PRMT3: variants seen among roughly 807,000 people sequenced by gnomAD.
PRMT3 encodes the protein protein arginine N-methyltransferase 3.
PRMT3 carries 62 observed loss-of-function variants against 71.9 expected under a neutral mutation model. That is an observed-to-expected ratio of 0.86 (90% CI 0.70 to 1.07). The LOEUF (loss-of-function observed/expected upper bound fraction) is 1.07, where lower values mean the gene tolerates loss of function less well. Among genes scored for constraint, PRMT3 ranks in the 50% least tolerant of loss-of-function variants. The probability of loss-of-function intolerance (pLI) is 0.00; values close to 1 mark genes in which losing one functional copy is unlikely to be tolerated. For synonymous variants in PRMT3, 213 were observed against 220.4 expected (o/e 0.97, Z 0.30); for missense variants, 663 against 643.0 (o/e 1.03, Z -0.34).
At chr11:20,490,275 C>T (rs1436219215) in intron 13 of PRMT3, among the ~76,000 whole-genome samples, 1 of 152,084 alleles carries the variant, frequency 6.6e-6, no homozygotes, top group East Asian at 1.9e-4. Context: ...CTCAAAGATA[C>T]TGTGAGGCAT....
intron 7 of PRMT3, among the ~76,000 whole-genome samples, chr11:20,399,662 G>C (rs1848906498): frequency 6.6e-6 from 1 of 152,144 alleles, no homozygotes; most frequent in East Asian, 1.9e-4. Flanking sequence ...TTTTCAGACA[G>C]ATTAAAGGTC....
At chr11:20,448,648 C>G (rs1038755556) in intron 10 of PRMT3, among the ~76,000 whole-genome samples, 11 of 151,894 alleles carry the variant, frequency 7.2e-5, no homozygotes, top group African/African-American at 2.7e-4. Context: ...TAGAAAGGCA[C>G]CTTATACTGA....
At chr11:20,493,131 C>A (rs1353858087) in intron 13 of PRMT3, among the ~76,000 whole-genome samples, 22 of 146,344 alleles carry the variant, frequency 1.5e-4, no homozygotes, top group South Asian at 4.3e-4. Context: ...GACTCCATGT[C>A]AAAAAAAAAA....
At position 20,387,730 on chromosome 11, in the gene PRMT3, C is replaced by G; in HGVS notation, c.-17C>G. The G allele has an allele frequency of 2.0e-6, 3 of 1,530,932 alleles. No homozygotes were observed. Among genetic ancestry groups the G allele is most frequent in the Non-Finnish European group, 2.6e-6 (3 of 1,141,960 alleles). 94.8% of individuals were successfully genotyped at this position (1,530,932 alleles called of 1,614,324 possible). A position where few individuals can be genotyped will look rare whatever the true frequency, so the allele number is the denominator to read the frequency against. On this transcript the variant is annotated 5_prime_UTR_variant, in exon 1 of 16. Transcript: ENST00000331079. The surrounding 1 kb of genome is among the most constrained non-coding windows in gnomAD (Gnocchi z 4.3). ...TCCCCGCCCCCAGACACGCCGGGCTCTCGGGGCACCACAGCCATGTGCTCG... is the reference window on the plus strand; with the variant it reads ...TCCCCGCCCCCAGACACGCCGGGCTGTCGGGGCACCACAGCCATGTGCTCG...
At chr11:20,471,456 CA>C (rs1162347006) in intron 13 of PRMT3, among the ~76,000 whole-genome samples, 2 of 152,082 alleles carry the variant, frequency 1.3e-5, no homozygotes, top group African/African-American at 4.8e-5. Context: ...CTCCCAACAC[CA>C]TTTATTAGAG....
chr11:20,433,360 C>A (rs1849694806), intron 10 of PRMT3, among the ~76,000 whole-genome samples: 1 of 152,140 alleles, frequency 6.6e-6, no homozygotes, highest in South Asian at 2.1e-4. Flanking sequence ...CCAGCTCCAT[C>A]CATGTTCCCA....
chr11:20,402,779 A>AG, intron 7 of PRMT3, 140 bp from the exon 8 acceptor site: 1 of 579,306 alleles, frequency 1.7e-6, no homozygotes, highest in South Asian at 2.5e-5. Flanking sequence ...TTTTCTTAGG[A>AG]AAAAAATAAG....
At chr11:20,445,275 A>G (rs1849999792) in intron 10 of PRMT3, among the ~76,000 whole-genome samples, 1 of 151,928 alleles carries the variant, frequency 6.6e-6, no homozygotes, top group Non-Finnish European at 1.5e-5. Flanking sequence ...CTTTTTTAAA[A>G]TTTTATGTGC....
chr11:20,436,201 G>C (rs1049710414), intron 10 of PRMT3, among the ~76,000 whole-genome samples: 4 of 152,176 alleles, frequency 2.6e-5, no homozygotes, highest in African/African-American at 9.7e-5. Flanking sequence ...TCAGCTCTAA[G>C]AGGTTTTTAG....
At position 20,396,742 on chromosome 11, in the gene PRMT3, A is replaced by G. The variant is rs193287936; in HGVS notation, c.560+780A>G. On this transcript the variant is annotated intron_variant, in intron 6 of 15. Transcript: ENST00000331079. ...TTTCCAGTGAATAAATTAGCATTCT[A>G]CTGGTGTAGTACTTTTCAAAGTTTA... Among the ~76,000 whole-genome samples the G allele has an allele frequency of 2.1e-3, 313 of 152,330 alleles. 5 individuals carry two copies. Among genetic ancestry groups the G allele is most frequent in the Non-Finnish European group, 3.5e-3 (235 of 68,022 alleles).
intron 11 of PRMT3, among the ~76,000 whole-genome samples, chr11:20,452,425 A>T (rs1189363744): frequency 1.3e-5 from 2 of 152,164 alleles, no homozygotes; most frequent in Non-Finnish European, 2.9e-5. Flanking sequence ...TATTCTCAAG[A>T]ATGCTTTTAT....
intron 15 of PRMT3, among the ~76,000 whole-genome samples, chr11:20,507,475 T>A (rs543891882): frequency 9.2e-5 from 14 of 152,218 alleles, no homozygotes; most frequent in Admixed American, 7.2e-4. Flanking sequence ...CTCGCTTCAT[T>A]CAAAAATTAA....
intron 8 of PRMT3, chr11:20,405,391 T>A (rs1849047980): frequency 6.6e-6 from 1 of 152,202 alleles, no homozygotes; most frequent in Admixed American, 6.5e-5. Flanking sequence ...TATTTCTACC[T>A]CTTTGATTCT....
intron 10 of PRMT3, among the ~76,000 whole-genome samples, chr11:20,451,719 A>G (rs1425387446): frequency 1.3e-5 from 2 of 152,020 alleles, no homozygotes; most frequent in Admixed American, 6.6e-5. Flanking sequence ...CAGTTGCAAC[A>G]ATCAAAAATT....
intron 10 of PRMT3, among the ~76,000 whole-genome samples, chr11:20,440,843 C>T (rs1565213545): frequency 6.6e-6 from 1 of 152,120 alleles, no homozygotes; most frequent in Non-Finnish European, 1.5e-5. Flanking sequence ...AATATTTTCT[C>T]CCACTCTGTG....
chr11:20,440,454 G>A (rs1160317296), intron 10 of PRMT3, among the ~76,000 whole-genome samples: 37 of 135,444 alleles, frequency 2.7e-4, no homozygotes. Flanking sequence ...GACCATCCTG[G>A]CTAACACGGT....
intron 10 of PRMT3, among the ~76,000 whole-genome samples, chr11:20,430,310 G>A (rs747574487): frequency 2.6e-5 from 4 of 152,090 alleles, no homozygotes; most frequent in Non-Finnish European, 5.9e-5. Context: ...TGTGTAATCC[G>A]GTATAGCAGT....
chr11:20,405,817 T>C (rs1021258191), intron 8 of PRMT3: 6 of 152,184 alleles, frequency 3.9e-5, no homozygotes, highest in Admixed American at 1.3e-4. Context: ...ATAAACATGA[T>C]ACAAAATTTG....
At chr11:20,404,161 G>GTT (rs59031740) in intron 8 of PRMT3, among the ~76,000 whole-genome samples, 2,096 of 132,160 alleles carry the variant, frequency 0.016, 71 homozygotes, top group African/African-American at 0.058. Context: ...TTTATATTTA[G>GTT]TTTTTTTTTG....
Sources: allele counts gnomAD v4.1 joint callset (sites outside exome capture counted in the v4.1 genomes callset), GRCh38; gene constraint gnomAD v4.1.1; non-coding constraint Gnocchi (gnomAD v3.1); transcripts MANE v1.5; gene names NCBI Gene and HGNC (gene_info 2026-07-23, HGNC 2026-07-21).